The following CHRDL2 variants were observed in gnomAD, a reference collection of about 807,000 sequenced individuals.
The protein encoded by CHRDL2 is chordin like 2, also known as chordin-like protein 2.
CHRDL2 carries 41 observed loss-of-function variants against 54.3 expected under a neutral mutation model. The ratio of observed to expected loss-of-function variants is 0.76; its 90% confidence interval spans 0.59 to 0.98. CHRDL2 has a LOEUF of 0.98. Ranked by LOEUF, CHRDL2 falls within the 50% of genes least tolerant of loss-of-function variation. The probability of loss-of-function intolerance (pLI) is 0.00; values close to 1 mark genes in which losing one functional copy is unlikely to be tolerated. For missense variants in CHRDL2, 518 were observed against 562.4 expected (o/e 0.92, Z 0.80); for synonymous variants, 220 against 224.3 (o/e 0.98, Z 0.17).
chr11:74,703,570 G>T, intron 7 of CHRDL2, 71 bp from the exon 8 acceptor site: 2 of 1,360,684 alleles, frequency 1.5e-6, no homozygotes, highest in East Asian at 2.5e-5. Flanking sequence ...GTCCAGCAGC[G>T]GGTGGGGTGG....
chr11:74,706,246 G>A (rs2034005581), intron 6 of CHRDL2, among the ~76,000 whole-genome samples: 1 of 152,128 alleles, frequency 6.6e-6, no homozygotes, highest in African/African-American at 2.4e-5. Context: ...TTTGGGGCCT[G>A]CTGCTGCCCT....
At chr11:74,722,517 C>A (rs2034514310) in intron 1 of CHRDL2, among the ~76,000 whole-genome samples, 1 of 151,840 alleles carries the variant, frequency 6.6e-6, no homozygotes, top group Admixed American at 6.6e-5. Flanking sequence ...ATGCCTAGTG[C>A]CTGACATATA....
chr11:74,703,357 G>A lies in CHRDL2; in HGVS notation c.894C>T (p.Tyr298=), dbSNP rs1398561420. The change falls in exon 8 of 11, where the codon TAC becomes TAT. Residue 298 remains tyrosine, a synonymous_variant. Transcript: ENST00000376332. ...CCACTTTCTCGGGGTGACGGCAGGG[G>A]TACTCGGTGGGACAGGTCACACGCT... The part of the protein sequence containing the change: ...DCQRVTCPTE[Y]PCRHPEKVAG... 13 of 1,613,144 alleles carry A rather than the reference G, an allele frequency of 8.1e-6. No homozygotes were observed. Among genetic ancestry groups the A allele is most frequent in the South Asian group, 1.1e-5 (1 of 91,020 alleles).
At chr11:74,712,003 C>G (rs1893880) in intron 3 of CHRDL2, among the ~76,000 whole-genome samples, 106,157 of 151,668 alleles carry the variant, frequency 0.7, 37,431 homozygotes, top group East Asian at 0.82. Context: ...GTAGAGATGG[C>G]GTTTCACCAT....
rs1322220217 is a variant in CHRDL2 at position 74,720,315 on chromosome 11, G to A, written c.83-1483C>T. ...TTGTCATCTTCTGGAATAGATGACA[G>A]TATCCGTCTTGCAGTGGCTTTGGAC... On this transcript the variant is annotated intron_variant, in intron 1 of 10. Coordinates refer to ENST00000376332, the MANE Select transcript of CHRDL2 (RefSeq NM_001278473.3). The A allele has an allele frequency of 2.6e-5, 4 of 154,040 alleles. No homozygotes were observed. The East Asian group carries it at 7.7e-4, about 30-fold the overall frequency. The allele number at this position is 154,040 out of a possible 1,614,324, so 9.5% of individuals were successfully genotyped here.
At chr11:74,729,750 G>A (rs1241708797) in intron 1 of CHRDL2, among the ~76,000 whole-genome samples, 1 of 152,214 alleles carries the variant, frequency 6.6e-6, no homozygotes, top group East Asian at 1.9e-4. Flanking sequence ...ATGTCCTGGA[G>A]AAACCCACTG....
intron 8 of CHRDL2, 85 bp downstream of exon 8, chr11:74,703,220 T>C: frequency 3.4e-6 from 5 of 1,454,646 alleles, no homozygotes; most frequent in Non-Finnish European, 4.6e-6. Flanking sequence ...ATGTCTGAGA[T>C]GCTCCAAGTG....
rs560425636 is a variant in CHRDL2, at chr11:74,699,919, G to A, written c.1121-2622C>T. Among the ~76,000 whole-genome samples the A allele has an allele frequency of 1.1e-4, 16 of 152,366 alleles. No individual in the cohort carries two copies. In the South Asian group the frequency reaches 3.1e-3, roughly 30 times the overall value. Reference sequence around the variant, plus strand: ...AGGAGATGGGGTGCGGTTTGCTAGTGACAGGATGGCAGGGCCTGGCATTGT... The same window carrying A: ...AGGAGATGGGGTGCGGTTTGCTAGTAACAGGATGGCAGGGCCTGGCATTGT... On this transcript the variant is annotated intron_variant, in intron 9 of 10. Coordinates refer to ENST00000376332, the MANE Select transcript of CHRDL2 (RefSeq NM_001278473.3).
At chr11:74,726,010 T>C (rs915513560) in intron 1 of CHRDL2, among the ~76,000 whole-genome samples, 2 of 152,166 alleles carry the variant, frequency 1.3e-5, no homozygotes, top group Non-Finnish European at 2.9e-5. Flanking sequence ...AAGAAAAGCC[T>C]CAGCTCCTCA....
chr11:74,696,858 C>T (rs2033612523), intron 10 of CHRDL2, among the ~76,000 whole-genome samples: 1 of 152,176 alleles, frequency 6.6e-6, no homozygotes, highest in African/African-American at 2.4e-5. Flanking sequence ...ACCTGAAACC[C>T]CACCTGGGTC....
intron 9 of CHRDL2, chr11:74,701,489 C>CT: frequency 1.5e-6 from 1 of 646,806 alleles, no homozygotes; most frequent in South Asian, 1.8e-5. Context: ...AACAGCTCCA[C>CT]TTTCTTCGTC....
Position 74,708,334 on chromosome 11 carries a change from G to A in CHRDL2, c.494C>T (p.Pro165Leu), listed in dbSNP as rs150623836. 11,931 of 1,580,040 alleles carry A rather than the reference G, an allele frequency of 7.6e-3. 61 individuals are homozygous for A. The highest frequency in any genetic ancestry group is 8.7e-3 in the Non-Finnish European group (10,145 of 1,167,402). The change falls in exon 5 of 11, where the codon CCG becomes CTG. Residue 165 changes from proline to leucine, a missense_variant. By Grantham distance (98) the Pro-to-Leu change is moderately conservative. Coordinates refer to ENST00000376332, the MANE Select transcript of CHRDL2 (RefSeq NM_001278473.3). ...CPEPGCPAPL[P>L]LPDSCCQACK... is the part of the protein sequence containing the mutation. ...GGCCTGGCAGCAGGAGTCTGGCAGC[G>A]GGAGGGGTGCTGGGCAGCCTGGTTC...
Position 74,708,380 on chromosome 11 carries a change from A to G in CHRDL2, c.448T>C (p.Cys150Arg), listed in dbSNP as rs375081257. 2.5e-5 allele frequency: 39 copies of G among 1,584,444 alleles called. No individual in the cohort carries two copies. The highest frequency in any genetic ancestry group is 3.3e-5 in the Non-Finnish European group (39 of 1,167,874). The change falls in exon 5 of 11, where the codon TGC (cysteine) becomes CGC (arginine). Residue 150 changes from cysteine to arginine, a missense_variant. Cys to Arg is a radical substitution (Grantham distance 180, BLOSUM62 -3). Transcript: ENST00000376332. Reference protein sequence around the residue: ...LCSCTEGQIYCGLTTCPEPGC... With the variant: ...LCSCTEGQIYRGLTTCPEPGC... ...GGTTCGGGGCAGGTTGTGAGGCCGC[A>G]GTAGATCTGGCCCTCCTGACAGATA...
intron 1 of CHRDL2, among the ~76,000 whole-genome samples, chr11:74,722,227 G>C (rs1337775600): frequency 3.3e-5 from 5 of 152,034 alleles, no homozygotes; most frequent in African/African-American, 1.2e-4. Flanking sequence ...CCTGGCCTTG[G>C]ACCTGCCCTG....
At chr11:74,723,422 G>A (rs1414338831) in intron 1 of CHRDL2, among the ~76,000 whole-genome samples, 1 of 152,184 alleles carries the variant, frequency 6.6e-6, no homozygotes, top group African/African-American at 2.4e-5. Flanking sequence ...ACCATGCATA[G>A]ATTTCTTTTG....
Position 74,731,053 on chromosome 11 carries a change from AG to A in CHRDL2, c.-166del. The stretch of plus-strand genomic sequence containing the variant: ...AGGAAGCAGCGGTGGGCAGGAAAGG[AG>A]GGCAGGAAGGGAGGTCTAAGGTGGG... On this transcript the variant is annotated 5_prime_UTR_variant, in exon 1 of 11. Transcript: ENST00000376332. This position sits in a 1 kb window ranked among gnomAD's most constrained non-coding sequence, Gnocchi z 4.4. 1.7e-6 allele frequency: 1 copy of A among 605,428 alleles called. No homozygotes were observed. 37.5% of individuals were successfully genotyped at this position (605,428 alleles called of 1,614,324 possible). A position where few individuals can be genotyped will look rare whatever the true frequency, so the allele number is the denominator to read the frequency against.
chr11:74,717,092 TCAAA>T (rs35991071), intron 2 of CHRDL2, among the ~76,000 whole-genome samples: 48 of 149,354 alleles, frequency 3.2e-4, no homozygotes, highest in Middle Eastern at 3.4e-3. Flanking sequence ...AGACCCTGTC[TCAAA>T]CAAACAAACA....
At chr11:74,714,470 C>T (rs1460059886) in intron 2 of CHRDL2, among the ~76,000 whole-genome samples, 1 of 152,230 alleles carries the variant, frequency 6.6e-6, no homozygotes, top group Admixed American at 6.5e-5. Flanking sequence ...TGCCCTCTCC[C>T]TGGACCTGAG....
At chr11:74,705,428 C>T (rs2033979096) in intron 6 of CHRDL2, among the ~76,000 whole-genome samples, 1 of 152,202 alleles carries the variant, frequency 6.6e-6, no homozygotes, top group Non-Finnish European at 1.5e-5. Context: ...CTGCCTGGTA[C>T]AGTCCCTGCA....
Sources: gnomAD v4.1 joint callset for allele counts (sites outside exome capture counted in the v4.1 genomes callset) on GRCh38, gnomAD v4.1.1 for gene constraint, Gnocchi (gnomAD v3.1) non-coding constraint, MANE v1.5 for transcripts, NCBI Gene and HGNC (gene_info 2026-07-23, HGNC 2026-07-21) for gene names.